Variants in CHP1 observed in about 807,000 individuals in gnomAD.
CHP1 encodes calcineurin like EF-hand protein 1.
In CHP1, 11 loss-of-function variants were observed where a neutral mutation model predicts 27.4. The ratio of observed to expected loss-of-function variants is 0.40; its 90% CI spans 0.25 to 0.67. CHP1 has a LOEUF of 0.67. CHP1 is among the 30% of genes least tolerant of loss of function. CHP1 has a pLI of 0.38. For missense variants in CHP1, 169 were observed against 251.3 expected (o/e 0.67, Z 2.22); for synonymous variants, 89 against 87.4 (o/e 1.02, Z -0.10).
chr15:41,232,816 A>G (rs943819546), intron 1 of CHP1, among the ~76,000 whole-genome samples: 7 of 152,144 alleles, frequency 4.6e-5, no homozygotes, highest in Non-Finnish European at 8.8e-5. Context: ...GAGGAGTGCT[A>G]TGGGGAACTA....
At chr15:41,243,539 AACATTCTAGAGATAAGAGTTTCG>A in intron 1 of CHP1, 105 bp from the exon 2 acceptor site, 4 of 629,524 alleles carry the variant, frequency 6.4e-6, no homozygotes, top group Non-Finnish European at 8.4e-6. Flanking sequence ...TTTCTGCTTT[AACATTCTAGAGATAAGAGTTTCG>A]ACATCCCAGT....
intron 3 of CHP1, among the ~76,000 whole-genome samples, chr15:41,259,638 A>G (rs1337255972): frequency 1.3e-5 from 2 of 151,766 alleles, no homozygotes; most frequent in African/African-American, 2.4e-5. Context: ...TTTTTCTAGC[A>G]TATGTTTTAA....
chr15:41,269,737 A>G (rs1245892203), intron 4 of CHP1, among the ~76,000 whole-genome samples: 1 of 152,006 alleles, frequency 6.6e-6, no homozygotes, highest in Non-Finnish European at 1.5e-5. Context: ...TATTTGCAGC[A>G]CTCTATTTAA....
At chr15:41,253,620 A>G (rs2047382504) in intron 2 of CHP1, among the ~76,000 whole-genome samples, 1 of 150,410 alleles carries the variant, frequency 6.6e-6, no homozygotes, top group African/African-American at 2.4e-5. Flanking sequence ...ACGCCTAGCT[A>G]ATTTTTTGTT....
intron 4 of CHP1, chr15:41,264,285 G>A (rs997330913): frequency 1.4e-5 from 14 of 1,017,378 alleles, no homozygotes; most frequent in Admixed American, 5.6e-5. Context: ...AGGAGAGTGC[G>A]AGTGCCGAGG....
In CHP1 at chr15:41,259,519, T is replaced by C. The variant is rs570059534; in HGVS notation, c.221+2529T>C. On this transcript the variant is annotated intron_variant, in intron 3 of 6. Coordinates refer to ENST00000334660, the MANE Select transcript of CHP1 (RefSeq NM_007236.5). ...TCTTTCTTCCCTAGGCATATGCACA[T>C]TGGGGCTTTTTTTTTTTTTTTTTTA... Among the ~76,000 whole-genome samples, 3 of 147,792 alleles carry C rather than the reference T, an allele frequency of 2.0e-5. No individual in the cohort carries two copies. In the East Asian group the frequency reaches 5.8e-4, roughly 29 times the overall value.
intron 3 of CHP1, among the ~76,000 whole-genome samples, chr15:41,261,343 G>A (rs1389362981): frequency 6.6e-6 from 1 of 151,526 alleles, no homozygotes; most frequent in Non-Finnish European, 1.5e-5. Context: ...TTTTAGTAGA[G>A]ACAGGGTTTT....
At chr15:41,264,124 T>G in intron 4 of CHP1, 1 of 1,125,950 alleles carries the variant, frequency 8.9e-7, no homozygotes, top group South Asian at 1.3e-5. Context: ...CAGCTCTCAG[T>G]TGTTAACAGG....
chr15:41,249,226 C>T (rs1276078482), intron 2 of CHP1, among the ~76,000 whole-genome samples: 1 of 152,134 alleles, frequency 6.6e-6, no homozygotes, highest in Non-Finnish European at 1.5e-5. Context: ...ATTGCCCAGG[C>T]TTGATTGCAG....
chr15:41,274,062 G>A (rs1023028025), intron 5 of CHP1, among the ~76,000 whole-genome samples: 1 of 152,006 alleles, frequency 6.6e-6, no homozygotes, highest in African/African-American at 2.4e-5. Flanking sequence ...CCGGGTTCAA[G>A]TGATTCTCCC....
intron 2 of CHP1, among the ~76,000 whole-genome samples, chr15:41,247,991 AAT>A (rs2047345050): frequency 6.9e-6 from 1 of 145,888 alleles, no homozygotes; most frequent in African/African-American, 2.7e-5. Context: ...AAATAAATAA[AAT>A]AAATAAATAA....
At position 41,279,682 on chromosome 15, in the gene CHP1, G is replaced by C; in HGVS notation, c.*293G>C. 1 of 330,972 alleles carries C rather than the reference G, an allele frequency of 3.0e-6. No individual in the cohort carries two copies. The highest frequency in any genetic ancestry group is 2.1e-5 in the African/African-American group (1 of 47,396). The allele number at this position is 330,972 out of a possible 1,614,324, so 20.5% of individuals were successfully genotyped here. On this transcript the variant is annotated 3_prime_UTR_variant, in exon 7 of 7. Transcript: ENST00000334660. The stretch of plus-strand genomic sequence containing the variant: ...AATGCCACACATCCATCCAGTCTGA[G>C]AAAGTGAGAGAGGCAATCATGCCAA...
intron 2 of CHP1, among the ~76,000 whole-genome samples, chr15:41,256,117 G>A (rs2047399510): frequency 6.6e-6 from 1 of 152,192 alleles, no homozygotes; most frequent in Non-Finnish European, 1.5e-5. Flanking sequence ...CTACTTAGGA[G>A]TAGTGTGGCT....
At chr15:41,234,393 C>A (rs1020425651) in intron 1 of CHP1, among the ~76,000 whole-genome samples, 1 of 152,160 alleles carries the variant, frequency 6.6e-6, no homozygotes, top group African/African-American at 2.4e-5. Context: ...ATTTGGAAAA[C>A]TATCTATCAG....
In CHP1 at chr15:41,270,617, A is replaced by G; in HGVS notation, c.410A>G (p.Gln137Arg). Residue 137 changes from glutamine (Q) to arginine (R), a missense_variant and splice_region_variant, in exon 5 of 7, where the codon CAG becomes CGG. Transcript: ENST00000334660. ...DEKISRDELL[Q>R]VLRMMVGVNI... ...AAGATCTCCCGTGATGAGCTGTTACAGGTATGTGGAGAGCTCCTCGAGAAC... is the reference window on the plus strand; with the variant it reads ...AAGATCTCCCGTGATGAGCTGTTACGGGTATGTGGAGAGCTCCTCGAGAAC... The G allele has an allele frequency of 6.2e-7, 1 of 1,612,016 alleles. No individual in the cohort carries two copies. The highest frequency in any genetic ancestry group is 8.5e-7 in the Non-Finnish European group (1 of 1,178,058).
At chr15:41,252,510 T>C (rs1302998174) in intron 2 of CHP1, among the ~76,000 whole-genome samples, 1 of 152,138 alleles carries the variant, frequency 6.6e-6, no homozygotes, top group Admixed American at 6.6e-5. Flanking sequence ...CCAGTGGGTA[T>C]GTCCTATTAA....
At chr15:41,270,528 T>A in intron 4 of CHP1, 29 bp from the exon 5 acceptor site, 1 of 1,580,666 alleles carries the variant, frequency 6.3e-7, no homozygotes. Context: ...CTACAGAATT[T>A]TGACTAACTT....
At chr15:41,269,770 C>G (rs1054970052) in intron 4 of CHP1, among the ~76,000 whole-genome samples, 3 of 152,092 alleles carry the variant, frequency 2.0e-5, no homozygotes, top group Non-Finnish European at 4.4e-5. Flanking sequence ...TAGTGGCATT[C>G]TTGAAGTGAT....
Position 41,262,857 on chromosome 15 carries a change from T to C in CHP1, c.323T>C (p.Leu108Pro). 6.2e-7 allele frequency: 1 copy of C among 1,614,098 alleles called. No homozygotes were observed. The highest frequency in any genetic ancestry group is 8.5e-7 in the Non-Finnish European group (1 of 1,180,006). ...KSKDVNGPEP[L>P]NSRSNKLHFA... is the part of the protein sequence containing the mutation. ...AAAGATGTGAATGGACCCGAACCAC[T>C]CAACAGCCGAAGCAACAAACTGCAC... Residue 108 changes from leucine (L) to proline (P), a missense_variant, in exon 4 of 7, where the codon CTC becomes CCC. Leu to Pro is a moderately conservative substitution (Grantham distance 98, BLOSUM62 -3). Coordinates refer to ENST00000334660, the MANE Select transcript of CHP1 (RefSeq NM_007236.5).
Sources: gnomAD v4.1 joint callset for allele counts (sites outside exome capture counted in the v4.1 genomes callset) on GRCh38, gnomAD v4.1.1 for gene constraint, MANE v1.5 for transcripts, NCBI Gene and HGNC (gene_info 2026-07-23, HGNC 2026-07-21) for gene names.